Variants in MAF observed in about 807,000 individuals in gnomAD.
MAF encodes MAF bZIP transcription factor, also known as transcription factor Maf.
MAF carries 10 observed loss-of-function variants against 22.0 expected under a neutral mutation model. The ratio of observed to expected loss-of-function variants is 0.45; its 90% CI spans 0.28 to 0.77. The LOEUF (loss-of-function observed/expected upper bound fraction) is 0.77, where lower values mean the gene tolerates loss of function less well. Among genes scored for constraint, MAF ranks in the 30% least tolerant of loss-of-function variants. The probability of loss-of-function intolerance (pLI) is 0.12; values close to 1 mark genes in which losing one functional copy is unlikely to be tolerated. For missense variants in MAF, 544 were observed against 548.4 expected, an observed-to-expected ratio of 0.99 and a Z score of 0.08; for synonymous variants, 337 against 255.8, an observed-to-expected ratio of 1.32 and a Z score of -3.03.
At chr16:79,598,454 G>T in intron 1 of MAF, 1 of 384,020 alleles carries the variant, frequency 2.6e-6, no homozygotes, top group Non-Finnish European at 4.0e-6. Context: ...GCGGGGGGGT[G>T]TAAAAAAAAA....
downstream of MAF, among the ~76,000 whole-genome samples, chr16:79,589,900 G>T (rs1913087451): frequency 6.6e-6 from 1 of 152,192 alleles, no homozygotes; most frequent in African/African-American, 2.4e-5. Flanking sequence ...GAGGGGCGCT[G>T]CGTTGCTGGC....
At chr16:79,518,419 A>C in the MAF span, among the ~76,000 whole-genome samples, 4 of 152,340 alleles carry the variant, frequency 2.6e-5, no homozygotes, top group South Asian at 8.3e-4. Flanking sequence ...AGACAGATAC[A>C]TCTTGTAGAA....
chr16:79,296,402 T>C, the MAF span, among the ~76,000 whole-genome samples: 1,786 of 152,140 alleles, frequency 0.012, 28 homozygotes, highest in African/African-American at 0.041. Context: ...TCAGGATAAA[T>C]AGCTAATGCA....
At chr16:79,572,875 A>G in the MAF span, among the ~76,000 whole-genome samples, 16 of 152,236 alleles carry the variant, frequency 1.1e-4, no homozygotes, top group Admixed American at 1.0e-3. Flanking sequence ...AAAAGGTGTT[A>G]TGTCTGTGAA....
chr16:79,338,592 T>C, the MAF span, among the ~76,000 whole-genome samples: 273 of 152,116 alleles, frequency 1.8e-3, 4 homozygotes, highest in African/African-American at 6.2e-3. Context: ...AAAATACTTT[T>C]TAGAAATTTT....
chr16:79,571,380 A>G, the MAF span, among the ~76,000 whole-genome samples: 3 of 152,028 alleles, frequency 2.0e-5, no homozygotes, highest in African/African-American at 7.2e-5. Context: ...TAAAACCGGT[A>G]TGAAAACGTC....
At chr16:79,209,418 G>T in the MAF span, among the ~76,000 whole-genome samples, 404 of 152,266 alleles carry the variant, frequency 2.7e-3, 3 homozygotes, top group African/African-American at 9.1e-3. Flanking sequence ...TTTCCCAAAC[G>T]GACTGCTTTG....
chr16:79,234,467 G>T, the MAF span, among the ~76,000 whole-genome samples: 1 of 152,044 alleles, frequency 6.6e-6, no homozygotes, highest in Non-Finnish European at 1.5e-5. Context: ...GCAAATAGTT[G>T]TAAAATAGTG....
chr16:79,305,860 G>T, the MAF span, among the ~76,000 whole-genome samples: 1 of 152,200 alleles, frequency 6.6e-6, no homozygotes, highest in Admixed American at 6.5e-5. Context: ...TTCTGTAGCT[G>T]CAGGCTTCAC....
At chr16:79,458,764 T>A in the MAF span, among the ~76,000 whole-genome samples, 1 of 152,230 alleles carries the variant, frequency 6.6e-6, no homozygotes, top group Non-Finnish European at 1.5e-5. Flanking sequence ...AAGTACGTAA[T>A]GTAACCCTTT....
At chr16:79,428,388 T>C in the MAF span, among the ~76,000 whole-genome samples, 1 of 152,138 alleles carries the variant, frequency 6.6e-6, no homozygotes, top group Non-Finnish European at 1.5e-5. Context: ...GACCCCCACC[T>C]CAACACCCAG....
chr16:79,521,771 CA>C, the MAF span, among the ~76,000 whole-genome samples: 8 of 152,284 alleles, frequency 5.3e-5, no homozygotes, highest in African/African-American at 1.9e-4. Context: ...TCATTTCAAA[CA>C]GTTACTGAAT....
the MAF span, among the ~76,000 whole-genome samples, chr16:79,508,650 C>T: frequency 6.6e-6 from 1 of 152,202 alleles, no homozygotes; most frequent in Admixed American, 6.5e-5. Context: ...CTACCCTATA[C>T]TGACTTAAAG....
chr16:79,482,827 T>C, the MAF span, among the ~76,000 whole-genome samples: 2 of 140,532 alleles, frequency 1.4e-5, no homozygotes, highest in African/African-American at 5.5e-5. Flanking sequence ...AGGGCATACA[T>C]CATACCCCCC....
the MAF span, among the ~76,000 whole-genome samples, chr16:79,293,212 G>A: frequency 6.6e-6 from 1 of 152,042 alleles, no homozygotes; most frequent in Non-Finnish European, 1.5e-5. Flanking sequence ...TTCCTTTCTG[G>A]TAACAACACC....
At chr16:79,481,594 A>G in the MAF span, among the ~76,000 whole-genome samples, 1 of 151,962 alleles carries the variant, frequency 6.6e-6, no homozygotes, top group African/African-American at 2.4e-5. Context: ...TCGCCCATCC[A>G]TCAACCCAGG....
the MAF span, among the ~76,000 whole-genome samples, chr16:79,301,536 T>C: frequency 2.0e-5 from 3 of 152,212 alleles, no homozygotes; most frequent in Non-Finnish European, 4.4e-5. Flanking sequence ...TACGTGAGGA[T>C]GTTTTATATG....
downstream of MAF, among the ~76,000 whole-genome samples, chr16:79,581,082 G>C (rs1360178404): frequency 1.3e-5 from 2 of 152,132 alleles, no homozygotes; most frequent in Non-Finnish European, 2.9e-5. Flanking sequence ...CTAAAATGCA[G>C]TGCTTGATTT....
the MAF span, among the ~76,000 whole-genome samples, chr16:79,332,880 G>A: frequency 1.3e-5 from 2 of 152,152 alleles, no homozygotes; most frequent in African/African-American, 4.8e-5. Flanking sequence ...TTTGCCCAAG[G>A]TCACCTGCCC....
Sources: gnomAD v4.1 joint callset for allele counts (sites outside exome capture counted in the v4.1 genomes callset) on GRCh38, gnomAD v4.1.1 for gene constraint, MANE v1.5 for transcripts, NCBI Gene and HGNC (gene_info 2026-07-23, HGNC 2026-07-21) for gene names.